MSN: variants seen among roughly 807,000 people sequenced by gnomAD.
MSN encodes moesin.
MSN carries 2 observed loss-of-function variants against 48.0 expected under a neutral mutation model. That is an observed-to-expected ratio of 0.04 (90% CI 0.02 to 0.13). The LOEUF (loss-of-function observed/expected upper bound fraction) is 0.13. Ranked by LOEUF, MSN falls within the 10% of genes least tolerant of loss-of-function variation. The pLI is 1.00. For synonymous variants in MSN, 146 were observed against 166.9 expected (o/e 0.87, Z 0.97); for missense variants, 267 against 470.1 (o/e 0.57, Z 3.99).
intron 2 of MSN, among the ~76,000 whole-genome samples, chrX:65,727,611 C>T (rs1233553303): frequency 8.9e-6 from 1 of 112,062 alleles, no homozygotes; most frequent in Non-Finnish European, 1.9e-5. Flanking sequence ...TAATAGATCC[C>T]TTTCCTGCCT....
chrX:65,724,900 G>C (rs192619623), intron 2 of MSN, among the ~76,000 whole-genome samples: 1 of 111,085 alleles, frequency 9.0e-6, no homozygotes, highest in Non-Finnish European at 1.9e-5. Flanking sequence ...TGTTAGTCAG[G>C]ATGGTCTCGA....
intron 2 of MSN, among the ~76,000 whole-genome samples, chrX:65,719,342 A>C (rs904092107): frequency 8.9e-6 from 1 of 112,179 alleles, no homozygotes; most frequent in Non-Finnish European, 1.9e-5. Flanking sequence ...GTTATCTCTC[A>C]GAAAATTTAT....
At position 65,641,549 on chromosome X, in the gene MSN, AGTATATAT is replaced by A. The variant is rs1184560736; in HGVS notation, c.-22+52938_-22+52945del. Among the ~76,000 whole-genome samples the A allele has an allele frequency of 1.1e-3, 37 of 32,560 alleles. 1 individual carries two copies. Among genetic ancestry groups the A allele is most frequent in the African/African-American group, 3.7e-3 (34 of 9,243 alleles). 28.3% of individuals were successfully genotyped at this position (32,560 alleles called of 115,157 possible). A position where few individuals can be genotyped will look rare whatever the true frequency, so the allele number is the denominator to read the frequency against. On this transcript the variant is annotated intron_variant, in intron 1 of 3. Transcript: ENST00000609672. ...GGTCTCAAAAAAAAAAAAAAAGTGA[AGTATATAT>A]ATATATATATATATATATATATATA...
At chrX:65,731,267 G>C (rs2071619528) in intron 5 of MSN, 77 bp downstream of exon 5, 1 of 818,850 alleles carries the variant, frequency 1.2e-6, no homozygotes, top group African/African-American at 2.0e-5. Context: ...AGAAGAGACT[G>C]ATGACAAGGG....
At chrX:65,658,365 ATCTGTC>A (rs1465228725) in intron 1 of MSN, among the ~76,000 whole-genome samples, 2 of 111,860 alleles carry the variant, frequency 1.8e-5, no homozygotes, top group East Asian at 5.6e-4. Context: ...ATTTTTTCTC[ATCTGTC>A]TCTGACACAT....
chrX:65,733,045 C>G (rs1036482962), intron 6 of MSN, 139 bp from the exon 7 acceptor site: 2 of 446,892 alleles, frequency 4.5e-6, no homozygotes, highest in Non-Finnish European at 7.6e-6. Flanking sequence ...AGTGAGACCT[C>G]GTCTCTATTT....
At chrX:65,646,119 C>T (rs1241198369) in intron 1 of MSN, among the ~76,000 whole-genome samples, 1 of 111,970 alleles carries the variant, frequency 8.9e-6, no homozygotes, top group Non-Finnish European at 1.9e-5. Context: ...TACTACCATC[C>T]AAGTCCATAA....
chrX:65,695,230 T>G (rs1459684180), intron 1 of MSN, among the ~76,000 whole-genome samples: 1 of 110,255 alleles, frequency 9.1e-6, no homozygotes, highest in South Asian at 3.8e-4. Context: ...GCCGGGCGTG[T>G]TGGCTCACGC....
rs1053745889 is a variant in MSN at position 65,680,220 on chromosome X, TAGAG to T, written c.12+12373_12+12376del. On this transcript the variant is annotated intron_variant, in intron 1 of 12. Coordinates refer to ENST00000360270, the MANE Select transcript of MSN (RefSeq NM_002444.3). ...ATGGCATATGACAAAGTTTAGCAAA[TAGAG>T]AGAGAAATTGTGTATAAATTCATCA... Among the ~76,000 whole-genome samples the T allele has an allele frequency of 8.1e-5, 9 of 111,766 alleles. No homozygotes were observed. In the East Asian group the frequency reaches 8.4e-4, roughly 10 times the overall value.
chrX:65,615,669 G>A (rs1302019514), intron 1 of MSN, among the ~76,000 whole-genome samples: 1 of 105,737 alleles, frequency 9.5e-6, no homozygotes, highest in African/African-American at 3.6e-5. Flanking sequence ...TGTTCACTCT[G>A]ATGGTAGTTT....
intron 1 of MSN, among the ~76,000 whole-genome samples, chrX:65,678,446 G>C (rs1004315666): frequency 1.5e-4 from 17 of 111,607 alleles, no homozygotes; most frequent in Admixed American, 1.3e-3. Context: ...GCCTAGGAGT[G>C]GTCTCGATTG....
chrX:65,701,152 G>A (rs902123634), intron 1 of MSN, among the ~76,000 whole-genome samples: 2 of 111,892 alleles, frequency 1.8e-5, no homozygotes, highest in South Asian at 3.7e-4. Flanking sequence ...TGTTTAAGAC[G>A]CAGAGAACTC....
At chrX:65,618,671 T>C (rs2070401089) in intron 1 of MSN, among the ~76,000 whole-genome samples, 1 of 110,943 alleles carries the variant, frequency 9.0e-6, no homozygotes, top group Non-Finnish European at 1.9e-5. Context: ...AATTTGCCAG[T>C]CTGTGTCTTT....
At chrX:65,656,603 G>C (rs751176607) in intron 1 of MSN, among the ~76,000 whole-genome samples, 2 of 111,185 alleles carry the variant, frequency 1.8e-5, no homozygotes, top group South Asian at 7.6e-4. Flanking sequence ...CTACAGCCCA[G>C]CCTGGAATGG....
At chrX:65,717,873 C>T (rs915347439) in intron 2 of MSN, among the ~76,000 whole-genome samples, 2 of 111,545 alleles carry the variant, frequency 1.8e-5, no homozygotes, top group African/African-American at 6.5e-5. Context: ...AGAACTTCCC[C>T]AGGGTTGGAG....
chrX:65,615,765 C>G (rs1428702855), intron 1 of MSN, among the ~76,000 whole-genome samples: 1 of 111,084 alleles, frequency 9.0e-6, no homozygotes, highest in Non-Finnish European at 1.9e-5. Flanking sequence ...GTGTTTTAGA[C>G]ATGAAGTCCA....
chrX:65,723,227 T>A (rs1362837100), intron 2 of MSN, among the ~76,000 whole-genome samples: 2 of 112,022 alleles, frequency 1.8e-5, no homozygotes, highest in Admixed American at 1.9e-4. Flanking sequence ...TTTAGTATTC[T>A]AGAGCATTAA....
intron 1 of MSN, among the ~76,000 whole-genome samples, chrX:65,691,484 T>C (rs1382528963): frequency 8.9e-6 from 1 of 111,778 alleles, no homozygotes; most frequent in African/African-American, 3.2e-5. Context: ...CACATGTAGA[T>C]GTTTTTTATT....
At chrX:65,706,042 C>T (rs2071358793) in intron 1 of MSN, among the ~76,000 whole-genome samples, 1 of 111,774 alleles carries the variant, frequency 8.9e-6, no homozygotes, top group Non-Finnish European at 1.9e-5. Context: ...TCCAAGTCAA[C>T]AGGGAAGAGG....
Sources: allele counts gnomAD v4.1 joint callset (sites outside exome capture counted in the v4.1 genomes callset), GRCh38; gene constraint gnomAD v4.1.1; transcripts MANE v1.5; gene names NCBI Gene and HGNC (gene_info 2026-07-23, HGNC 2026-07-21).